The following DCDC1 variants were observed in gnomAD, a reference collection of about 807,000 sequenced individuals.
The protein encoded by DCDC1 is doublecortin domain-containing protein 1.
In DCDC1, 200 loss-of-function variants were observed where a neutral mutation model predicts 178.3. The ratio of observed to expected loss-of-function variants is 1.12; its 90% CI spans 1.00 to 1.26. DCDC1 has a LOEUF of 1.26. Among genes scored for constraint, DCDC1 ranks in the 50% most tolerant of loss-of-function variants. The probability of loss-of-function intolerance (pLI) is 0.00; values close to 1 mark genes in which losing one functional copy is unlikely to be tolerated. For synonymous variants in DCDC1, 690 were observed against 604.8 expected (o/e 1.14, Z -2.07); for missense variants, 1,983 against 1,749.2 (o/e 1.13, Z -2.38).
At position 30,952,531 on chromosome 11, in the gene DCDC1, G is replaced by A; in HGVS notation, c.2629C>T (p.Gln877Ter). 1 of 1,570,332 alleles carries A rather than the reference G, an allele frequency of 6.4e-7. No homozygotes were observed. The highest frequency in any genetic ancestry group is 8.6e-7 in the Non-Finnish European group (1 of 1,157,180). Residue 877 changes from glutamine to a stop codon, truncating the protein, a stop_gained, in exon 21 of 39, where the codon CAG becomes TAG. Coordinates refer to ENST00000684477, the MANE Select transcript of DCDC1 (RefSeq NM_001387274.1). LOFTEE classifies it high-confidence loss of function. ...IKHEGTSKPG[Q>*]WKHSRVENPL... ...TTTTCAACTCTAGAATGTTTCCACTGGCCTGGCTTACTGGTTCCTTCATGT... is the reference window on the plus strand; with the variant it reads ...TTTTCAACTCTAGAATGTTTCCACTAGCCTGGCTTACTGGTTCCTTCATGT...
intron 20 of DCDC1, among the ~76,000 whole-genome samples, chr11:30,959,421 C>A (rs964371113): frequency 6.6e-6 from 1 of 152,048 alleles, no homozygotes; most frequent in Non-Finnish European, 1.5e-5. Context: ...CTTAGGCGAC[C>A]ACTGTAGTCA....
At chr11:31,335,237 C>T (rs532316043) in intron 2 of DCDC1, among the ~76,000 whole-genome samples, 1 of 152,298 alleles carries the variant, frequency 6.6e-6, no homozygotes, top group South Asian at 2.1e-4. Flanking sequence ...CCTGGTGTGT[C>T]ATTTGCTAAG....
intron 9 of DCDC1, among the ~76,000 whole-genome samples, chr11:31,217,277 T>G (rs1460230173): frequency 6.6e-6 from 1 of 152,216 alleles, no homozygotes; most frequent in African/African-American, 2.4e-5. Context: ...AATAGGTAAG[T>G]CTATTTGTAA....
intron 20 of DCDC1, among the ~76,000 whole-genome samples, chr11:31,001,289 T>A (rs902115040): frequency 1.3e-5 from 2 of 152,170 alleles, no homozygotes; most frequent in African/African-American, 4.8e-5. Flanking sequence ...CCATATTAAG[T>A]GGATTTTCCA....
chr11:31,145,568 T>G (rs1421146913), intron 9 of DCDC1, among the ~76,000 whole-genome samples: 1 of 152,210 alleles, frequency 6.6e-6, no homozygotes, highest in South Asian at 2.1e-4. Context: ...ATTCAGATAA[T>G]TACTTTAGTA....
intron 20 of DCDC1, among the ~76,000 whole-genome samples, chr11:31,039,145 C>A (rs1327878441): frequency 6.6e-6 from 1 of 151,900 alleles, no homozygotes; most frequent in Non-Finnish European, 1.5e-5. Context: ...CTCATTAAAC[C>A]ACCACTCTAT....
rs1411521457 is a variant in DCDC1, at chr11:30,881,251, T to C, written c.5140A>G (p.Thr1714Ala). 6.2e-7 allele frequency: 1 copy of C among 1,613,402 alleles called. No homozygotes were observed. The highest frequency in any genetic ancestry group is 1.1e-5 in the South Asian group (1 of 91,064). Residue 1714 changes from threonine (T) to alanine (A), a missense_variant, in exon 37 of 39, where the codon ACC (threonine) becomes GCC (alanine). Transcript: ENST00000684477. ...KMTHPARALY[T>A]PSGEPIQSWD... ...GACTGAATTGGCTCTCCACTGGGGG[T>C]GTACAGTGCTCTAGCTGGGTGGGTC...
intron 18 of DCDC1, among the ~76,000 whole-genome samples, chr11:31,074,514 G>C (rs1014135655): frequency 3.3e-5 from 5 of 152,240 alleles, no homozygotes; most frequent in African/African-American, 1.2e-4. Flanking sequence ...TCTACCATGT[G>C]AGAATACGGC....
intron 1 of DCDC1, among the ~76,000 whole-genome samples, chr11:31,353,329 T>C (rs776245222): frequency 8.5e-5 from 13 of 152,238 alleles, no homozygotes; most frequent in Non-Finnish European, 1.9e-4. Context: ...CAGCCTGCCA[T>C]ACATAGGACA....
At chr11:31,024,488 A>G (rs1450453533) in intron 20 of DCDC1, among the ~76,000 whole-genome samples, 1 of 152,006 alleles carries the variant, frequency 6.6e-6, no homozygotes, top group Non-Finnish European at 1.5e-5. Flanking sequence ...AATGGAAATT[A>G]TATGTGATAT....
At chr11:30,968,998 A>G (rs1459238209) in intron 20 of DCDC1, among the ~76,000 whole-genome samples, 1 of 152,000 alleles carries the variant, frequency 6.6e-6, no homozygotes, top group Non-Finnish European at 1.5e-5. Flanking sequence ...TTATTTCTCA[A>G]AATTAAGTAC....
chr11:30,878,100 C>T (rs1343414054), intron 38 of DCDC1, among the ~76,000 whole-genome samples: 2 of 152,022 alleles, frequency 1.3e-5, no homozygotes, highest in African/African-American at 4.8e-5. Context: ...TGTTGCCTTT[C>T]CAGGAACAAA....
At chr11:30,979,317 C>G (rs1284342113) in intron 20 of DCDC1, among the ~76,000 whole-genome samples, 1 of 152,142 alleles carries the variant, frequency 6.6e-6, no homozygotes, top group Non-Finnish European at 1.5e-5. Context: ...GGAGGAACAC[C>G]TATCTCTCAA....
chr11:31,178,317 C>T (rs1381925754), intron 9 of DCDC1, among the ~76,000 whole-genome samples: 1 of 152,150 alleles, frequency 6.6e-6, no homozygotes, highest in Non-Finnish European at 1.5e-5. Flanking sequence ...ATAAATGGTG[C>T]TAAGCAAATT....
chr11:31,113,701 T>C (rs929343615), intron 11 of DCDC1, among the ~76,000 whole-genome samples: 1 of 152,144 alleles, frequency 6.6e-6, no homozygotes, highest in East Asian at 1.9e-4. Context: ...GATGGACATT[T>C]GGGCAGGGCA....
chr11:31,149,005 A>G (rs1449918741), intron 9 of DCDC1, among the ~76,000 whole-genome samples: 1 of 152,020 alleles, frequency 6.6e-6, no homozygotes, highest in Non-Finnish European at 1.5e-5. Flanking sequence ...CTGGTTTTCC[A>G]TTACTGAGTT....
At chr11:31,015,269 A>G (rs917731409) in intron 20 of DCDC1, among the ~76,000 whole-genome samples, 7 of 152,004 alleles carry the variant, frequency 4.6e-5, no homozygotes, top group African/African-American at 1.2e-4. Flanking sequence ...TCTTGATTCT[A>G]TATTAGCTAT....
chr11:30,972,395 TAA>T (rs1949853105), intron 20 of DCDC1, among the ~76,000 whole-genome samples: 1 of 152,056 alleles, frequency 6.6e-6, no homozygotes. Flanking sequence ...GAAGGAGAAA[TAA>T]AGTCTTTCTC....
rs1290098755 is a variant in DCDC1, at chr11:31,307,720, T to G, written c.353A>C (p.Lys118Thr). 2 of 1,613,992 alleles carry G rather than the reference T, an allele frequency of 1.2e-6. No individual in the cohort carries two copies. Among genetic ancestry groups the G allele is most frequent in the African/African-American group, 2.7e-5 (2 of 74,924 alleles). The change falls in exon 4 of 39, where the codon AAA becomes ACA. Residue 118 changes from lysine to threonine, a missense_variant. Physicochemically the swap from Lys to Thr is moderately conservative, Grantham distance 78. Coordinates refer to ENST00000684477, the MANE Select transcript of DCDC1 (RefSeq NM_001387274.1). ...ACAAGAATTGTTTTTACTGTTTGAT[T>G]TGTAGCTATCTAGGTCTGATATTTC... ...HDEISDLDSY[K>T]SNSKNNSCSI... is the part of the protein sequence containing the mutation.
Sources: allele counts gnomAD v4.1 joint callset (sites outside exome capture counted in the v4.1 genomes callset), GRCh38; gene constraint gnomAD v4.1.1; transcripts MANE v1.5; gene names NCBI Gene and HGNC (gene_info 2026-07-23, HGNC 2026-07-21).